Variants in GRXCR1 observed in about 807,000 individuals in gnomAD.
The protein encoded by GRXCR1 is glutaredoxin and cysteine rich domain containing 1, also known as glutaredoxin domain-containing cysteine-rich protein 1.
A neutral mutation model predicts 27.3 loss-of-function variants in GRXCR1; 27 were observed. The ratio of observed to expected loss-of-function variants is 0.99; its 90% CI spans 0.73 to 1.37. The LOEUF (loss-of-function observed/expected upper bound fraction) is 1.37. GRXCR1 is among the 40% of genes most tolerant of loss of function. The probability of loss-of-function intolerance (pLI) is 0.00; values close to 1 mark genes in which losing one functional copy is unlikely to be tolerated. For synonymous variants in GRXCR1, 122 were observed against 131.1 expected (o/e 0.93, Z 0.47); for missense variants, 379 against 354.4 (o/e 1.07, Z -0.56).
At chr4:43,017,707 T>C (rs1488742508) in intron 2 of GRXCR1, among the ~76,000 whole-genome samples, 2 of 152,100 alleles carry the variant, frequency 1.3e-5, no homozygotes, top group Non-Finnish European at 2.9e-5. Flanking sequence ...TCCACTAGCA[T>C]AGAATTGAAT....
In GRXCR1 at chr4:42,933,244, G is replaced by A. The variant is rs191414046; in HGVS notation, c.385-29648G>A. On this transcript the variant is annotated intron_variant, in intron 1 of 3. Coordinates refer to ENST00000399770, the MANE Select transcript of GRXCR1 (RefSeq NM_001080476.3). ...GGCTATTGAGGGTAGTGACACAGGAGGCTACAGTTTTTCTAAAACCAGTGC... is the reference window on the plus strand; with the variant it reads ...GGCTATTGAGGGTAGTGACACAGGAAGCTACAGTTTTTCTAAAACCAGTGC... Among the ~76,000 whole-genome samples, 317 of 151,998 alleles carry A rather than the reference G, an allele frequency of 2.1e-3. 1 individual carries two copies. Among genetic ancestry groups the A allele is most frequent in the Non-Finnish European group, 3.3e-3 (222 of 67,886 alleles).
chr4:43,006,855 A>C (rs1448339184), intron 2 of GRXCR1, among the ~76,000 whole-genome samples: 1 of 152,150 alleles, frequency 6.6e-6, no homozygotes, highest in Non-Finnish European at 1.5e-5. Context: ...GAACGTACTG[A>C]CATGTGATGT....
At chr4:42,908,727 G>A (rs931563184) in intron 1 of GRXCR1, among the ~76,000 whole-genome samples, 3 of 152,202 alleles carry the variant, frequency 2.0e-5, no homozygotes. Flanking sequence ...AGGAATGGTG[G>A]TGAGCGGAGA....
chr4:42,964,564 T>A (rs1221204467), intron 2 of GRXCR1, among the ~76,000 whole-genome samples: 1 of 152,014 alleles, frequency 6.6e-6, no homozygotes, highest in East Asian at 1.9e-4. Context: ...TGAACAATTA[T>A]CCCTGTTTTG....
chr4:43,017,857 G>C (rs562028778), intron 2 of GRXCR1, among the ~76,000 whole-genome samples: 1 of 152,274 alleles, frequency 6.6e-6, no homozygotes, highest in South Asian at 2.1e-4. Context: ...TATAGATCAA[G>C]TAATAATTAG....
intron 2 of GRXCR1, among the ~76,000 whole-genome samples, chr4:43,005,796 A>T (rs914152719): frequency 6.6e-6 from 1 of 152,188 alleles, no homozygotes; most frequent in East Asian, 1.9e-4. Context: ...GGGAGGCCAA[A>T]GTTTGGAAAG....
At chr4:42,906,645 T>C (rs1422468334) in intron 1 of GRXCR1, among the ~76,000 whole-genome samples, 1 of 152,184 alleles carries the variant, frequency 6.6e-6, no homozygotes, top group African/African-American at 2.4e-5. Context: ...ATTTTATTGG[T>C]CACCAGCAAG....
At chr4:42,983,390 G>C (rs1054224344) in intron 2 of GRXCR1, among the ~76,000 whole-genome samples, 3 of 150,430 alleles carry the variant, frequency 2.0e-5, no homozygotes, top group Non-Finnish European at 3.0e-5. Flanking sequence ...ATTTCTGAGG[G>C]CTCTGTTCTG....
chr4:42,914,733 A>T (rs1231243849), intron 1 of GRXCR1, among the ~76,000 whole-genome samples: 2 of 152,128 alleles, frequency 1.3e-5, no homozygotes, highest in African/African-American at 4.8e-5. Context: ...TCCCACCTTG[A>T]ATTGTAATAA....
chr4:42,974,492 G>A (rs755040308), intron 2 of GRXCR1, among the ~76,000 whole-genome samples: 1 of 152,142 alleles, frequency 6.6e-6, no homozygotes, highest in Non-Finnish European at 1.5e-5. Context: ...TGATGAGCAA[G>A]GTCAGAGAGC....
chr4:43,005,958 C>T (rs1277823765), intron 2 of GRXCR1, among the ~76,000 whole-genome samples: 2 of 152,194 alleles, frequency 1.3e-5, no homozygotes, highest in Admixed American at 6.5e-5. Flanking sequence ...GAGGGACCGG[C>T]TGAAGCCATG....
At chr4:43,007,631 A>G (rs1206803662) in intron 2 of GRXCR1, among the ~76,000 whole-genome samples, 1 of 152,194 alleles carries the variant, frequency 6.6e-6, no homozygotes, top group Non-Finnish European at 1.5e-5. Flanking sequence ...GGATGCATTT[A>G]AAATAAACAT....
Position 43,004,537 on chromosome 4 carries a change from G to T in GRXCR1, c.628-15817G>T, listed in dbSNP as rs567858331. Among the ~76,000 whole-genome samples, 8 of 152,316 alleles carry T rather than the reference G, an allele frequency of 5.3e-5. No individual in the cohort carries two copies. In the East Asian group the frequency reaches 7.7e-4, roughly 15 times the overall value. Reference sequence around the variant, plus strand: ...AACGACAGCCCATGAAATCATCTGTGGGGGGTAACCCTGCAGAGTGACAGG... The same window carrying T: ...AACGACAGCCCATGAAATCATCTGTTGGGGGTAACCCTGCAGAGTGACAGG... On this transcript the variant is annotated intron_variant, in intron 2 of 3. Coordinates refer to ENST00000399770, the MANE Select transcript of GRXCR1 (RefSeq NM_001080476.3).
intron 1 of GRXCR1, among the ~76,000 whole-genome samples, chr4:42,929,250 T>C (rs1435532465): frequency 6.6e-6 from 1 of 151,972 alleles, no homozygotes; most frequent in East Asian, 1.9e-4. Flanking sequence ...GCACCATTTG[T>C]CTATGGAATG....
intron 2 of GRXCR1, among the ~76,000 whole-genome samples, chr4:42,965,291 T>C (rs1748211922): frequency 6.6e-6 from 1 of 152,076 alleles, no homozygotes; most frequent in African/African-American, 2.4e-5. Context: ...GTTTCTTTAA[T>C]TTAAGCTAAT....
intron 1 of GRXCR1, among the ~76,000 whole-genome samples, chr4:42,931,789 C>A (rs941982205): frequency 6.6e-6 from 1 of 151,832 alleles, no homozygotes; most frequent in East Asian, 1.9e-4. Flanking sequence ...ACCTTGTTAT[C>A]AACTATAGTC....
chr4:43,018,258 G>T (rs1401681823), intron 2 of GRXCR1, among the ~76,000 whole-genome samples: 1 of 152,178 alleles, frequency 6.6e-6, no homozygotes, highest in Admixed American at 6.5e-5. Context: ...GGCAGGTAGG[G>T]TTGTGGAGGC....
chr4:42,937,192 A>G (rs1747480518), intron 1 of GRXCR1, among the ~76,000 whole-genome samples: 1 of 151,934 alleles, frequency 6.6e-6, no homozygotes, highest in African/African-American at 2.4e-5. Flanking sequence ...ATCTAATACC[A>G]CTTTATTTTG....
At chr4:42,951,088 C>A (rs1339846965) in intron 1 of GRXCR1, among the ~76,000 whole-genome samples, 1 of 152,154 alleles carries the variant, frequency 6.6e-6, no homozygotes, top group Admixed American at 6.6e-5. Flanking sequence ...ATCCAGATAA[C>A]TGATGGTGTA....
Sources: gnomAD v4.1 joint callset for allele counts (sites outside exome capture counted in the v4.1 genomes callset) on GRCh38, gnomAD v4.1.1 for gene constraint, MANE v1.5 for transcripts, NCBI Gene and HGNC (gene_info 2026-07-23, HGNC 2026-07-21) for gene names.